The following UPF1 variants were observed in gnomAD, a reference collection of about 807,000 sequenced individuals.
UPF1 encodes regulator of nonsense transcripts 1.
UPF1 carries 9 observed loss-of-function variants against 129.2 expected under a neutral mutation model. That is an observed-to-expected ratio of 0.07 (90% CI 0.04 to 0.12). The LOEUF (loss-of-function observed/expected upper bound fraction) is 0.12, where lower values mean the gene tolerates loss of function less well. UPF1 is among the 10% of genes least tolerant of loss of function. The probability of loss-of-function intolerance (pLI) is 1.00; values close to 1 mark genes in which losing one functional copy is unlikely to be tolerated. For missense variants in UPF1, 788 were observed against 1,525.3 expected (o/e 0.52, Z 8.05); for synonymous variants, 649 against 644.9 (o/e 1.01, Z -0.10).
chr19:18,844,536 T>C (rs192995803), intron 1 of UPF1, among the ~76,000 whole-genome samples: 1 of 152,010 alleles, frequency 6.6e-6, no homozygotes, highest in East Asian at 1.9e-4. Context: ...TTTCACCATG[T>C]TGGCCAGGCT....
At chr19:18,849,863 C>CT in intron 3 of UPF1, 1 of 599,386 alleles carries the variant, frequency 1.7e-6, no homozygotes, top group African/African-American at 1.9e-5. Context: ...GGAAGTTTTC[C>CT]TTAAAGTGGT....
Position 18,853,200 on chromosome 19 carries a change from G to A in UPF1, c.1058-52G>A, listed in dbSNP as rs1445819024. The A allele has an allele frequency of 8.8e-6, 14 of 1,597,980 alleles. No homozygotes were observed. The Admixed American group carries it at 1.9e-4, about 22-fold the overall frequency. On this transcript the variant is annotated intron_variant, in intron 7 of 23. Transcript: ENST00000262803. The surrounding 1 kb of genome is among the most constrained non-coding windows in gnomAD (Gnocchi z 4.4). Reference sequence around the variant, plus strand: ...CCCTTAATTTGAACTCTCCCTGGTGGAAGCGACGGCGTGGGTTAAAATGGC... The same window carrying A: ...CCCTTAATTTGAACTCTCCCTGGTGAAAGCGACGGCGTGGGTTAAAATGGC...
At chr19:18,848,607 G>A (rs1374127993) in intron 3 of UPF1, among the ~76,000 whole-genome samples, 2 of 151,996 alleles carry the variant, frequency 1.3e-5, no homozygotes, top group Non-Finnish European at 2.9e-5. Flanking sequence ...ACCAAAGCCC[G>A]GAGGCAGGCT....
chr19:18,853,436 C>T lies in UPF1; in HGVS notation c.1156+86C>T. The T allele has an allele frequency of 1.2e-5, 16 of 1,292,978 alleles. No individual in the cohort carries two copies. Among genetic ancestry groups the T allele is most frequent in the Non-Finnish European group, 1.5e-5 (14 of 943,988 alleles). 80.1% of individuals were successfully genotyped at this position (1,292,978 alleles called of 1,614,324 possible). ...TGGAGGCCACTGTGGATTTGATGCT[C>T]ACTGCTGGGCCAGCATCTCATGCTC... On this transcript the variant is annotated intron_variant, in intron 8 of 23. Coordinates refer to ENST00000262803, the MANE Select transcript of UPF1 (RefSeq NM_002911.4). The surrounding 1 kb of genome is among the most constrained non-coding windows in gnomAD (Gnocchi z 4.4).
At position 18,865,934 on chromosome 19, in the gene UPF1, T is replaced by A. The variant is rs2055838770; in HGVS notation, c.3238-110T>A. 1 of 1,588,352 alleles carries A rather than the reference T, an allele frequency of 6.3e-7. No individual in the cohort carries two copies. The highest frequency in any genetic ancestry group is 1.4e-5 in the African/African-American group (1 of 73,610). ...GGGTCATCAGAGTGGGTCTCCTGGGTCTTAGTTTGGGGACGGGTTTTCCAT... is the reference window on the plus strand; with the variant it reads ...GGGTCATCAGAGTGGGTCTCCTGGGACTTAGTTTGGGGACGGGTTTTCCAT... On this transcript the variant is annotated intron_variant, in intron 22 of 23. Transcript: ENST00000262803. The surrounding 1 kb of genome is among the most constrained non-coding windows in gnomAD (Gnocchi z 6.1).
chr19:18,859,548 G>A (rs757114), intron 15 of UPF1: 138,270 of 152,308 alleles, frequency 0.91, 62,948 homozygotes, highest in African/African-American at 0.97. Flanking sequence ...CGCTGTAACA[G>A]CAGTGATCCA....
At chr19:18,855,441 TCTG>T in intron 11 of UPF1, 199 bp downstream of exon 11, 1 of 656,440 alleles carries the variant, frequency 1.5e-6, no homozygotes, top group Non-Finnish European at 2.6e-6. Context: ...AGTAACCAGG[TCTG>T]CTACTGGTTT....
chr19:18,844,252 C>CT (rs550774115), intron 1 of UPF1, among the ~76,000 whole-genome samples: 8 of 131,930 alleles, frequency 6.1e-5, no homozygotes, highest in Non-Finnish European at 1.2e-4. Context: ...TCTTTAAATA[C>CT]TGTGTCCAGA....
rs1035482729 is a variant in UPF1, at chr19:18,855,333, C to G, written c.1544+91C>G. On this transcript the variant is annotated intron_variant, in intron 11 of 23. Transcript: ENST00000262803. ...TGGTGCTGGGAGCCTTGGGCTCTGTCACACCGAAGAGAGCACGTGGCGGGT... is the reference window on the plus strand; with the variant it reads ...TGGTGCTGGGAGCCTTGGGCTCTGTGACACCGAAGAGAGCACGTGGCGGGT... The G allele has an allele frequency of 3.9e-4, 555 of 1,424,302 alleles. 1 individual carries two copies. Among genetic ancestry groups the G allele is most frequent in the Non-Finnish European group, 5.2e-4 (539 of 1,046,212 alleles). 88.2% of individuals were successfully genotyped at this position (1,424,302 alleles called of 1,614,324 possible). A position where few individuals can be genotyped will look rare whatever the true frequency, so the allele number is the denominator to read the frequency against.
Position 18,865,978 on chromosome 19 carries a change from T to C in UPF1, c.3238-66T>C. 4 of 1,604,196 alleles carry C rather than the reference T, an allele frequency of 2.5e-6. No homozygotes were observed. The highest frequency in any genetic ancestry group is 3.4e-6 in the Non-Finnish European group (4 of 1,177,532). On this transcript the variant is annotated intron_variant, in intron 22 of 23. Coordinates refer to ENST00000262803, the MANE Select transcript of UPF1 (RefSeq NM_002911.4). The surrounding 1 kb of genome is among the most constrained non-coding windows in gnomAD (Gnocchi z 6.1). ...TTTCCATTCTTTTCTCTGGGGCTGC[T>C]GAGGGCTGGGTGGATGTGAGCACCC... is the stretch of plus-strand genomic sequence containing the variant.
Position 18,851,516 on chromosome 19 carries a change from C to T in UPF1, c.811-619C>T, listed in dbSNP as rs182057246. Among the ~76,000 whole-genome samples the T allele has an allele frequency of 2.6e-5, 4 of 152,346 alleles. No individual in the cohort carries two copies. The East Asian group carries it at 7.7e-4, about 29-fold the overall frequency. On this transcript the variant is annotated intron_variant, in intron 5 of 23. Coordinates refer to ENST00000262803, the MANE Select transcript of UPF1 (RefSeq NM_002911.4). This position sits in a 1 kb window ranked among gnomAD's most constrained non-coding sequence, Gnocchi z 4.2. ...AAGCATTGTTCAGCCGGGTACCTTT[C>T]CACTTGGATTTTCCGGTTGCCAGAT...
Position 18,867,261 on chromosome 19 carries a change from G to GT in UPF1, c.*745dup, listed in dbSNP as rs1323766798. 1 of 152,246 alleles carries GT rather than the reference G, an allele frequency of 6.6e-6. No homozygotes were observed. The highest frequency in any genetic ancestry group is 1.5e-5 in the Non-Finnish European group (1 of 68,042). The allele number at this position is 152,246 out of a possible 1,614,324, so 9.4% of individuals were successfully genotyped here. A position where few individuals can be genotyped will look rare whatever the true frequency, so the allele number is the denominator to read the frequency against. On this transcript the variant is annotated 3_prime_UTR_variant, in exon 24 of 24. Coordinates refer to ENST00000262803, the MANE Select transcript of UPF1 (RefSeq NM_002911.4). Reference sequence around the variant, plus strand: ...GTTTTGTTGTTGGTTTTAGCTTCCAGTGGCTTCTTTCTGCGGGGCATCAGG... The same window carrying GT: ...GTTTTGTTGTTGGTTTTAGCTTCCAGTTGGCTTCTTTCTGCGGGGCATCAGG...
intron 1 of UPF1, among the ~76,000 whole-genome samples, chr19:18,836,340 C>CTT (rs1296957259): frequency 6.6e-6 from 1 of 152,196 alleles, no homozygotes; most frequent in African/African-American, 2.4e-5. Flanking sequence ...GAGTGAAACT[C>CTT]TTAAGAGTTG....
intron 16 of UPF1, 43 bp downstream of exon 16, chr19:18,860,481 C>T: frequency 6.3e-7 from 1 of 1,585,718 alleles, no homozygotes; most frequent in Non-Finnish European, 8.6e-7. Context: ...GTCTTGGGGA[C>T]AGCTTGAGAG....
intron 5 of UPF1, 79 bp from the exon 6 acceptor site, chr19:18,852,056 C>G (rs1324886706): frequency 6.8e-7 from 1 of 1,473,460 alleles, no homozygotes; most frequent in Non-Finnish European, 9.0e-7. Flanking sequence ...TGCTCCATCC[C>G]TCTGGTGCCT....
chr19:18,860,554 G>A (rs948184896), intron 16 of UPF1, 116 bp downstream of exon 16: 1 of 1,049,784 alleles, frequency 9.5e-7, no homozygotes, highest in Non-Finnish European at 1.4e-6. Context: ...TTCATTTCCT[G>A]TTTAGCCTGT....
rs147749434 is a variant in UPF1, at chr19:18,837,752, G to T, written c.231+5312G>T. Among the ~76,000 whole-genome samples, 68 of 152,254 alleles carry T rather than the reference G, an allele frequency of 4.5e-4. 2 individuals are homozygous for T. In the East Asian group the frequency reaches 9.8e-3, roughly 22 times the overall value. On this transcript the variant is annotated intron_variant, in intron 1 of 23. Coordinates refer to ENST00000262803, the MANE Select transcript of UPF1 (RefSeq NM_002911.4). ...CTTTGTTCCTTCATCCTCAGGTCAG[G>T]TCTGCACTGCCTGTTCCGTCTCCAC...
At chr19:18,838,324 G>A (rs190103816) in intron 1 of UPF1, among the ~76,000 whole-genome samples, 2 of 152,224 alleles carry the variant, frequency 1.3e-5, no homozygotes, top group African/African-American at 4.8e-5. Context: ...TCCAGCCTGG[G>A]TGACAGAGTG....
At position 18,851,356 on chromosome 19, in the gene UPF1, A is replaced by T. The variant is rs1244635113; in HGVS notation, c.810+488A>T. On this transcript the variant is annotated intron_variant, in intron 5 of 23. Coordinates refer to ENST00000262803, the MANE Select transcript of UPF1 (RefSeq NM_002911.4). The surrounding 1 kb of genome is among the most constrained non-coding windows in gnomAD (Gnocchi z 4.2). ...GACAGCCCTCACTTTTCCCCACGGA[A>T]GCCTTTCTGTGCTTCCAGCTGTTTA... Among the ~76,000 whole-genome samples the T allele has an allele frequency of 1.3e-5, 2 of 152,220 alleles. No individual in the cohort carries two copies. Among genetic ancestry groups the T allele is most frequent in the Admixed American group, 1.3e-4 (2 of 15,288 alleles).
Sources: allele counts gnomAD v4.1 joint callset (sites outside exome capture counted in the v4.1 genomes callset), GRCh38; gene constraint gnomAD v4.1.1; non-coding constraint Gnocchi (gnomAD v3.1); transcripts MANE v1.5; gene names NCBI Gene and HGNC (gene_info 2026-07-23, HGNC 2026-07-21).